KCNIP4: variants seen among roughly 807,000 people sequenced by gnomAD.
The protein encoded by KCNIP4 is potassium voltage-gated channel interacting protein 4.
A neutral mutation model predicts 34.0 loss-of-function variants in KCNIP4; 12 were observed. That is an observed-to-expected ratio of 0.35 (90% CI 0.23 to 0.57). The LOEUF (loss-of-function observed/expected upper bound fraction) is 0.57. KCNIP4 is among the 20% of genes least tolerant of loss of function. The probability of loss-of-function intolerance (pLI) is 0.83; values close to 1 mark genes in which losing one functional copy is unlikely to be tolerated. For synonymous variants in KCNIP4, 124 were observed against 102.2 expected, an observed-to-expected ratio of 1.21 and a Z score of -1.29; for missense variants, 238 against 311.7, an observed-to-expected ratio of 0.76 and a Z score of 1.78.
intron 1 of KCNIP4, among the ~76,000 whole-genome samples, chr4:21,171,952 G>A (rs971340280): frequency 6.6e-6 from 1 of 152,182 alleles, no homozygotes; most frequent in Non-Finnish European, 1.5e-5. Context: ...ATTTCACTTA[G>A]CATAGTTCTT....
intron 1 of KCNIP4, among the ~76,000 whole-genome samples, chr4:21,397,658 A>G (rs1723118360): frequency 1.3e-5 from 2 of 152,244 alleles, no homozygotes; most frequent in South Asian, 4.1e-4. Flanking sequence ...TTTAAATATA[A>G]CATTGCTTCT....
intron 4 of KCNIP4, among the ~76,000 whole-genome samples, chr4:20,750,085 A>G (rs193068543): frequency 4.9e-4 from 75 of 152,354 alleles, no homozygotes; most frequent in Non-Finnish European, 9.8e-4. Context: ...GACCATCTCT[A>G]GAAGTAAAGT....
At chr4:21,773,308 C>T (rs530870410) in intron 1 of KCNIP4, among the ~76,000 whole-genome samples, 3 of 152,190 alleles carry the variant, frequency 2.0e-5, no homozygotes, top group East Asian at 1.9e-4. Context: ...AGTTCTTTTG[C>T]GTTTGCTGTG....
chr4:21,332,379 A>C (rs1001247980), intron 1 of KCNIP4, among the ~76,000 whole-genome samples: 4 of 152,004 alleles, frequency 2.6e-5, no homozygotes, highest in Non-Finnish European at 5.9e-5. Context: ...CTCCAGATTT[A>C]CACCTCCAAC....
chr4:21,406,965 A>G (rs1401164200), intron 1 of KCNIP4, among the ~76,000 whole-genome samples: 1 of 152,188 alleles, frequency 6.6e-6, no homozygotes, highest in Non-Finnish European at 1.5e-5. Context: ...TAGAACAAAA[A>G]CTTTGATAAC....
At chr4:21,127,559 T>C (rs1750727630) in intron 1 of KCNIP4, among the ~76,000 whole-genome samples, 1 of 152,202 alleles carries the variant, frequency 6.6e-6, no homozygotes, top group African/African-American at 2.4e-5. Flanking sequence ...AGACGCCTAA[T>C]AGAATACAAA....
chr4:21,176,620 A>C (rs1426743555), intron 1 of KCNIP4, among the ~76,000 whole-genome samples: 1 of 152,194 alleles, frequency 6.6e-6, no homozygotes, highest in Non-Finnish European at 1.5e-5. Context: ...CCTCCCAGGT[A>C]CAACAAACTC....
At chr4:21,103,919 AT>A (rs1024579257) in intron 1 of KCNIP4, among the ~76,000 whole-genome samples, 3 of 151,934 alleles carry the variant, frequency 2.0e-5, no homozygotes, top group African/African-American at 4.8e-5. Flanking sequence ...TGAACTCATC[AT>A]TTTTTATGGC....
chr4:21,069,853 C>T (rs1334882621), intron 1 of KCNIP4, among the ~76,000 whole-genome samples: 5 of 152,126 alleles, frequency 3.3e-5, no homozygotes, highest in Admixed American at 6.6e-5. Flanking sequence ...ACGACTTTGA[C>T]GTTGGTATAA....
intron 1 of KCNIP4, among the ~76,000 whole-genome samples, chr4:21,570,445 C>T (rs989166880): frequency 3.3e-5 from 5 of 152,014 alleles, no homozygotes; most frequent in East Asian, 1.9e-4. Context: ...GAAATGTTAA[C>T]GTGAACAAAA....
chr4:21,841,661 T>A (rs73256581), intron 1 of KCNIP4, among the ~76,000 whole-genome samples: 3 of 152,076 alleles, frequency 2.0e-5, no homozygotes, highest in Non-Finnish European at 4.4e-5. Flanking sequence ...TTGAACCATA[T>A]GAAATCTATA....
At position 21,459,545 on chromosome 4, in the gene KCNIP4, G is replaced by C. The variant is rs115111240; in HGVS notation, c.61+489026C>G. 6.2e-3 allele frequency among the ~76,000 whole-genome samples: 938 copies of C among 151,920 alleles called. 9 individuals carry two copies. Among genetic ancestry groups the C allele is most frequent in the African/African-American group, 0.021 (891 of 41,446 alleles). ...AACACTGACAGCTCCCAAAAGTATAGCTCCTCTTAGGACCTCTCTCCTGCC... is the reference window on the plus strand; with the variant it reads ...AACACTGACAGCTCCCAAAAGTATACCTCCTCTTAGGACCTCTCTCCTGCC... On this transcript the variant is annotated intron_variant, in intron 1 of 8. Coordinates refer to ENST00000382152, the MANE Select transcript of KCNIP4 (RefSeq NM_025221.6).
chr4:21,154,477 C>T (rs986442478), intron 1 of KCNIP4, among the ~76,000 whole-genome samples: 3 of 146,118 alleles, frequency 2.1e-5, no homozygotes, highest in East Asian at 1.9e-4. Context: ...CATTGCACAA[C>T]CCCTGTGTCA....
intron 1 of KCNIP4, among the ~76,000 whole-genome samples, chr4:20,886,146 A>G (rs1469680487): frequency 6.6e-6 from 1 of 152,188 alleles, no homozygotes; most frequent in Non-Finnish European, 1.5e-5. Context: ...ATGCTATACC[A>G]CTGTAAGGAA....
chr4:20,923,257 A>G (rs1729580836), intron 1 of KCNIP4, among the ~76,000 whole-genome samples: 2 of 152,216 alleles, frequency 1.3e-5, no homozygotes, highest in African/African-American at 4.8e-5. Flanking sequence ...CACACCTGGC[A>G]CTGAGCTAAC....
At chr4:21,688,890 G>C (rs1454419986) in intron 1 of KCNIP4, among the ~76,000 whole-genome samples, 1 of 151,826 alleles carries the variant, frequency 6.6e-6, no homozygotes, top group Non-Finnish European at 1.5e-5. Flanking sequence ...TTTTTTCAGA[G>C]GAACATATTT....
chr4:21,789,514 A>G (rs1720135703), intron 1 of KCNIP4, among the ~76,000 whole-genome samples: 1 of 152,166 alleles, frequency 6.6e-6, no homozygotes, highest in Non-Finnish European at 1.5e-5. Flanking sequence ...AAAAGTAAGT[A>G]CTTCTTTTAA....
chr4:21,612,627 C>A (rs116435640), intron 1 of KCNIP4, among the ~76,000 whole-genome samples: 2 of 152,100 alleles, frequency 1.3e-5, no homozygotes, highest in South Asian at 2.1e-4. Flanking sequence ...TAATATGATA[C>A]GGCTATTTAA....
chr4:21,797,156 T>A (rs1273525747), intron 1 of KCNIP4, among the ~76,000 whole-genome samples: 1 of 152,164 alleles, frequency 6.6e-6, no homozygotes, highest in Non-Finnish European at 1.5e-5. Flanking sequence ...TATTTATTTA[T>A]TTATTTATTT....
Sources: gnomAD v4.1 joint callset for allele counts (sites outside exome capture counted in the v4.1 genomes callset) on GRCh38, gnomAD v4.1.1 for gene constraint, MANE v1.5 for transcripts, NCBI Gene and HGNC (gene_info 2026-07-23, HGNC 2026-07-21) for gene names.